The following PROCR variants were observed in gnomAD, a reference collection of about 807,000 sequenced individuals.
PROCR encodes the protein endothelial protein C receptor.
PROCR carries 22 observed loss-of-function variants against 24.2 expected under a neutral mutation model. The observed-to-expected ratio is 0.91, with a 90% CI of 0.65 to 1.30. The LOEUF is 1.30. PROCR is among the 50% of genes most tolerant of loss of function. The pLI is 0.00. For missense variants in PROCR, 288 were observed against 307.7 expected (o/e 0.94, Z 0.48); for synonymous variants, 137 against 139.2 (o/e 0.98, Z 0.11).
chr20:35,175,559 A>T (rs1212224166), intron 2 of PROCR, among the ~76,000 whole-genome samples: 13 of 63,278 alleles, frequency 2.1e-4, no homozygotes, highest in South Asian at 6.1e-4. Context: ...TTTCTCTCCT[A>T]GTCCCCCACC....
intron 1 of PROCR, among the ~76,000 whole-genome samples, chr20:35,205,781 A>ATATATATG (rs2060338120): frequency 7.3e-6 from 1 of 136,510 alleles, no homozygotes; most frequent in Non-Finnish European, 1.5e-5. Context: ...ATATATATAT[A>ATATATATG]TATATATGTA....
chr20:35,206,369 G>A (rs1321963992), intron 1 of PROCR, among the ~76,000 whole-genome samples: 1 of 151,100 alleles, frequency 6.6e-6, no homozygotes, highest in Non-Finnish European at 1.5e-5. Context: ...CAGCTACTCA[G>A]GAGAATGAGG....
upstream of PROCR, chr20:35,172,069 C>T: frequency 1.5e-6 from 2 of 1,311,340 alleles, no homozygotes; most frequent in Non-Finnish European, 2.2e-6. Context: ...CCAGACGGTC[C>T]TCACTTCTCT....
downstream of PROCR, among the ~76,000 whole-genome samples, chr20:35,180,995 T>C (rs140449000): frequency 3.0e-4 from 45 of 152,090 alleles, no homozygotes; most frequent in Middle Eastern, 6.8e-3. Flanking sequence ...ACCTCCCGAG[T>C]AGCTGGGATT....
downstream of PROCR, among the ~76,000 whole-genome samples, chr20:35,180,844 GTTGT>G (rs745583773): frequency 6.7e-5 from 10 of 150,242 alleles, no homozygotes; most frequent in African/African-American, 9.7e-5. Context: ...GTTTTTTGTT[GTTGT>G]TTGTTTTTTG....
chr20:35,187,231 G>T (rs1200328018), intron 1 of PROCR, among the ~76,000 whole-genome samples: 1 of 151,798 alleles, frequency 6.6e-6, no homozygotes, highest in Non-Finnish European at 1.5e-5. Context: ...TGTTTTGTTT[G>T]TTTGTTTGTT....
At chr20:35,198,403 C>A (rs2060306597) in intron 1 of PROCR, among the ~76,000 whole-genome samples, 1 of 152,132 alleles carries the variant, frequency 6.6e-6, no homozygotes, top group Non-Finnish European at 1.5e-5. Context: ...ATTAAACAAG[C>A]CACAACATTC....
intron 1 of PROCR, among the ~76,000 whole-genome samples, chr20:35,197,954 T>C (rs1459008873): frequency 6.6e-6 from 1 of 151,742 alleles, no homozygotes; most frequent in African/African-American, 2.4e-5. Flanking sequence ...TTACACCAAA[T>C]GGTTAGCCGA....
intron 1 of PROCR, among the ~76,000 whole-genome samples, chr20:35,204,924 A>C (rs1213701713): frequency 2.0e-5 from 3 of 152,098 alleles, no homozygotes; most frequent in African/African-American, 7.2e-5. Flanking sequence ...TATTTTTAAA[A>C]AATAATACTT....
chr20:35,173,670 T>A (rs1379979755), intron 1 of PROCR, among the ~76,000 whole-genome samples: 1 of 151,886 alleles, frequency 6.6e-6, no homozygotes, highest in Non-Finnish European at 1.5e-5. Flanking sequence ...CCTCAAGTGA[T>A]CCGCCCGCCT....
upstream of PROCR, chr20:35,172,001 C>T: frequency 1.4e-6 from 1 of 726,440 alleles, no homozygotes; most frequent in East Asian, 2.7e-5. Context: ...TTATAAGCCT[C>T]TTCCTCCTCC....
chr20:35,178,111 T>G (rs943020757), downstream of PROCR, among the ~76,000 whole-genome samples: 1 of 151,960 alleles, frequency 6.6e-6, no homozygotes, highest in Non-Finnish European at 1.5e-5. Context: ...TTTAAGAGCA[T>G]GTGTTTTGTC....
intron 1 of PROCR, 172 bp from the exon 2 acceptor site, chr20:35,174,527 GTCC>G: frequency 1.3e-6 from 1 of 787,970 alleles, no homozygotes; most frequent in Non-Finnish European, 2.2e-6. Context: ...TCCCTGTCCT[GTCC>G]TCCTGGCAGA....
intron 1 of PROCR, among the ~76,000 whole-genome samples, chr20:35,186,910 G>A (rs368721477): frequency 3.3e-5 from 5 of 150,556 alleles, no homozygotes; most frequent in Admixed American, 2.0e-4. Flanking sequence ...TGGAGATTGC[G>A]CCACTGCACT....
At position 35,176,197 on chromosome 20, in the gene PROCR, T is replaced by C; in HGVS notation, c.352T>C (p.Cys118Arg). Residue 118 changes from cysteine to arginine, a missense_variant, in exon 3 of 4, where the codon TGT becomes CGT. Cys to Arg is a radical substitution (Grantham distance 180). Transcript: ENST00000216968. Reference protein sequence around the residue: ...FPLTIRCFLGCELPPEGSRAH... With the variant: ...FPLTIRCFLGRELPPEGSRAH... ...TCTGACCATCCGCTGCTTCCTGGGC[T>C]GTGAGCTGCCTCCCGAGGGCTCTAG... The C allele has an allele frequency of 3.1e-6, 5 of 1,614,138 alleles. No homozygotes were observed. Among genetic ancestry groups the C allele is most frequent in the Non-Finnish European group, 3.4e-6 (4 of 1,180,014 alleles).
chr20:35,214,907 CTTTTTT>C (rs71198708), intron 1 of PROCR, among the ~76,000 whole-genome samples: 1 of 119,518 alleles, frequency 8.4e-6, no homozygotes, highest in Non-Finnish European at 1.7e-5. Flanking sequence ...TTTTCTTTTT[CTTTTTT>C]TTTTTTTTTT....
intron 2 of PROCR, 51 bp downstream of exon 2, chr20:35,175,004 G>C (rs1208092505): frequency 7.7e-7 from 1 of 1,296,334 alleles, no homozygotes; most frequent in South Asian, 1.6e-5. Context: ...AGTGGGGGCG[G>C]GGCCTGGCGG....
downstream of PROCR, among the ~76,000 whole-genome samples, chr20:35,180,825 CATT>C (rs940878108): frequency 6.6e-6 from 1 of 151,966 alleles, no homozygotes; most frequent in African/African-American, 2.4e-5. Context: ...CTAATTGTGT[CATT>C]ATTCCGTTTT....
Position 35,177,040 on chromosome 20 carries a change from T to A in PROCR, c.*227T>A. On this transcript the variant is annotated 3_prime_UTR_variant, in exon 4 of 4. Transcript: ENST00000216968. Reference sequence around the variant, plus strand: ...GAACCTAAGAACGTGTATGCTTTGCTGAATTAGTCTGATAAGTGAATGTTT... The same window carrying A: ...GAACCTAAGAACGTGTATGCTTTGCAGAATTAGTCTGATAAGTGAATGTTT... 1 of 1,342,296 alleles carries A rather than the reference T, an allele frequency of 7.4e-7. No homozygotes were observed. The allele number at this position is 1,342,296 out of a possible 1,614,324, so 83.1% of individuals were successfully genotyped here.
Sources: allele counts gnomAD v4.1 joint callset (sites outside exome capture counted in the v4.1 genomes callset), GRCh38; gene constraint gnomAD v4.1.1; transcripts MANE v1.5; gene names NCBI Gene and HGNC (gene_info 2026-07-23, HGNC 2026-07-21).